Variants in THBS1 observed in about 807,000 individuals in gnomAD.
The protein encoded by THBS1 is thrombospondin-1.
Under a neutral mutation model 126.1 loss-of-function variants are expected in THBS1, and 29 were observed. The observed-to-expected ratio is 0.23, with a 90% CI of 0.17 to 0.31. The LOEUF is 0.31. Among genes scored for constraint, THBS1 ranks in the 10% least tolerant of loss-of-function variants. The pLI, the probability that THBS1 is intolerant of heterozygous loss-of-function variation, is 1.00. For missense variants in THBS1, 1,198 were observed against 1,545.2 expected, an observed-to-expected ratio of 0.78 and a Z score of 3.77; for synonymous variants, 496 against 577.8, an observed-to-expected ratio of 0.86 and a Z score of 2.03.
rs1421184223 is a variant in THBS1 at position 39,595,704 on chromosome 15, A to G, written c.*335A>G. Reference sequence around the variant, plus strand: ...CAGAGCAGGGTGCTATTGTGAGGCCATCTCTGAGCAGTGGACTCAAAAGCA... The same window carrying G: ...CAGAGCAGGGTGCTATTGTGAGGCCGTCTCTGAGCAGTGGACTCAAAAGCA... On this transcript the variant is annotated 3_prime_UTR_variant, in exon 22 of 22. Transcript: ENST00000260356. 1.9e-6 allele frequency: 1 copy of G among 525,046 alleles called. No individual in the cohort carries two copies. The highest frequency in any genetic ancestry group is 3.7e-6 in the Non-Finnish European group (1 of 272,392). The allele number at this position is 525,046 out of a possible 1,614,324, so 32.5% of individuals were successfully genotyped here.
Position 39,584,298 on chromosome 15 carries a change from A to G in THBS1, c.904-2A>G. ...ACACTAATGATATTCTCTCCCATTT[A>G]GACTGAAGAGAACAAAGAGTTGGCC... On this transcript the variant is annotated splice_acceptor_variant, in intron 5 of 21. Transcript: ENST00000260356. LOFTEE classifies it high-confidence loss of function. The G allele has an allele frequency of 1.2e-6, 2 of 1,614,246 alleles. No homozygotes were observed. The highest frequency in any genetic ancestry group is 1.7e-6 in the Non-Finnish European group (2 of 1,180,044).
chr15:39,595,385 T>C lies in THBS1; in HGVS notation c.*16T>C, dbSNP rs368361412. 1.5e-5 allele frequency: 22 copies of C among 1,499,814 alleles called. No individual in the cohort carries two copies. The South Asian group carries it at 1.8e-4, about 13-fold the overall frequency. The allele number at this position is 1,499,814 out of a possible 1,614,324, so 92.9% of individuals were successfully genotyped here. On this transcript the variant is annotated 3_prime_UTR_variant, in exon 22 of 22. Coordinates refer to ENST00000260356, the MANE Select transcript of THBS1 (RefSeq NM_003246.4). ...AGATCCCTAATCATCAAATTGTTGA[T>C]TGAAAGACTGATCATAAACCAATGC...
In THBS1 at chr15:39,589,996, G is replaced by A. The variant is rs1200716355; in HGVS notation, c.2118G>A (p.Val706=). 6.2e-7 allele frequency: 1 copy of A among 1,610,252 alleles called. No individual in the cohort carries two copies. The highest frequency in any genetic ancestry group is 1.7e-5 in the Admixed American group (1 of 59,578). ...DGWPNENLVC[V]ANATYHCKKD... is the part of the protein sequence containing the mutation. ...GGCCCAATGAGAACCTGGTGTGCGT[G>A]GCCAATGCGACTTACCACTGCAAAA... Residue 706 remains valine (V), a synonymous_variant, in exon 13 of 22, where the codon GTG becomes GTA. Transcript: ENST00000260356. The surrounding 1 kb of genome is among the most constrained non-coding windows in gnomAD (Gnocchi z 4.7).
rs150499229 is a variant in THBS1, at chr15:39,587,360, G to A, written c.1134G>A (p.Ala378=). The A allele has an allele frequency of 2.8e-5, 45 of 1,612,650 alleles. No homozygotes were observed. The highest frequency in any genetic ancestry group is 2.3e-4 in the Admixed American group (14 of 59,944). Residue 378 remains alanine (A), a synonymous_variant, in exon 8 of 22, where the codon GCG becomes GCA. Transcript: ENST00000260356. ...CCPRCWPSDS[A]DDGWSPWSEW... ...TTTCCCCTGCAGCCAGCGACTCTGC[G>A]GACGATGGCTGGTCTCCATGGTCCG... is the stretch of plus-strand genomic sequence containing the variant.
At position 39,594,470 on chromosome 15, in the gene THBS1, T is replaced by TGGG. The variant is rs1048519008; in HGVS notation, c.3505+32_3505+33insGGG. ...GAGCAACATCACCATGAATGTACAC[T>TGGG]GGACATCTCTATTTCAGACTAATAT... On this transcript the variant is annotated intron_variant, in intron 21 of 21. Coordinates refer to ENST00000260356, the MANE Select transcript of THBS1 (RefSeq NM_003246.4). The surrounding 1 kb of genome is among the most constrained non-coding windows in gnomAD (Gnocchi z 4.4). 53 of 1,609,656 alleles carry TGGG rather than the reference T, an allele frequency of 3.3e-5. No homozygotes were observed. Among genetic ancestry groups the TGGG allele is most frequent in the Non-Finnish European group, 4.4e-5 (52 of 1,178,198 alleles).
rs2140347833 is a variant in THBS1 at position 39,589,459 on chromosome 15, A to G, written c.1926+105A>G. On this transcript the variant is annotated intron_variant, in intron 12 of 21. Coordinates refer to ENST00000260356, the MANE Select transcript of THBS1 (RefSeq NM_003246.4). This position sits in a 1 kb window ranked among gnomAD's most constrained non-coding sequence, Gnocchi z 4.7. ...TTTCATACCCTTCACCAAAAAAAAA[A>G]GGGCGAGGAGATGAATGTACGGTCT... 4 of 1,350,732 alleles carry G rather than the reference A, an allele frequency of 3.0e-6. No homozygotes were observed. Among genetic ancestry groups the G allele is most frequent in the African/African-American group, 2.9e-5 (2 of 68,294 alleles). The allele number at this position is 1,350,732 out of a possible 1,614,324, so 83.7% of individuals were successfully genotyped here.
intron 6 of THBS1, among the ~76,000 whole-genome samples, chr15:39,584,844 T>C (rs2140344464): frequency 2.0e-5 from 3 of 152,366 alleles, no homozygotes; most frequent in Middle Eastern, 6.8e-3. Flanking sequence ...TGTTAGGATG[T>C]TACTGTCTGC....
intron 21 of THBS1, among the ~76,000 whole-genome samples, 200 bp from the exon 22 acceptor site, chr15:39,595,162 G>A (rs2140352168): frequency 6.6e-6 from 1 of 152,280 alleles, no homozygotes; most frequent in South Asian, 2.1e-4. Context: ...TGTTCTGGAA[G>A]GTTCACGCTG....
In THBS1 at chr15:39,581,639, C is replaced by CCTCTCTCTCTCTCTCTCT. The variant is rs3138595; in HGVS notation, c.-29-178_-29-161dup. The CCTCTCTCTCTCTCTCTCT allele has an allele frequency of 8.6e-4, 316 of 366,032 alleles. 5 individuals are homozygous for CCTCTCTCTCTCTCTCTCT. The highest frequency in any genetic ancestry group is 8.1e-3 in the African/African-American group (294 of 36,474). 22.7% of individuals were successfully genotyped at this position (366,032 alleles called of 1,614,324 possible). ...TTAAAACCAGCATCTCTTTCCTCCA[C>CCTCTCTCTCTCTCTCTCT]CTCTCTCTCTCTCTCTCTCTCTCTC... On this transcript the variant is annotated intron_variant, in intron 1 of 21. Coordinates refer to ENST00000260356, the MANE Select transcript of THBS1 (RefSeq NM_003246.4).
At chr15:39,588,353 G>T (rs1487912902) in intron 9 of THBS1, 135 bp downstream of exon 9, 28 of 1,304,172 alleles carry the variant, frequency 2.1e-5, no homozygotes, top group African/African-American at 3.0e-5. Context: ...CAGAAGCAAA[G>T]TCCTGCAGGC....
intron 4 of THBS1, 83 bp downstream of exon 4, chr15:39,583,775 G>T (rs1890156487): frequency 8.9e-6 from 13 of 1,456,948 alleles, no homozygotes; most frequent in Non-Finnish European, 1.1e-5. Flanking sequence ...AGCAATAGTG[G>T]TTATACATAA....
In THBS1 at chr15:39,594,200, C is replaced by A; in HGVS notation, c.3365+4C>A. 3 of 1,614,058 alleles carry A rather than the reference C, an allele frequency of 1.9e-6. No individual in the cohort carries two copies. Among genetic ancestry groups the A allele is most frequent in the Non-Finnish European group, 2.5e-6 (3 of 1,179,950 alleles). The stretch of plus-strand genomic sequence containing the variant: ...GGCCAAAGACGGGTTTCATTAGGTA[C>A]GATCATACTGATTCACTTTCACTTA... On this transcript the variant is annotated splice_donor_region_variant and intron_variant, in intron 20 of 21. Coordinates refer to ENST00000260356, the MANE Select transcript of THBS1 (RefSeq NM_003246.4). This position sits in a 1 kb window ranked among gnomAD's most constrained non-coding sequence, Gnocchi z 4.4.
intron 13 of THBS1, 61 bp downstream of exon 13, chr15:39,590,084 G>C: frequency 1.4e-6 from 2 of 1,381,106 alleles, no homozygotes; most frequent in South Asian, 1.5e-5. Flanking sequence ...CAAAACACAG[G>C]CTAAGGAATT....
rs1362311109 is a variant in THBS1 at position 39,592,191 on chromosome 15, G to A, written c.2533-377G>A. On this transcript the variant is annotated intron_variant, in intron 16 of 21. Transcript: ENST00000260356. This position sits in a 1 kb window ranked among gnomAD's most constrained non-coding sequence, Gnocchi z 4.3. The stretch of plus-strand genomic sequence containing the variant: ...TCGACGTGTCAACAGTTTTACAACT[G>A]AAACCTTCTAAGGAAATTCTCTGTT... Among the ~76,000 whole-genome samples, 1 of 152,130 alleles carries A rather than the reference G, an allele frequency of 6.6e-6. No homozygotes were observed. Among genetic ancestry groups the A allele is most frequent in the Non-Finnish European group, 1.5e-5 (1 of 68,032 alleles).
chr15:39,586,808 A>T (rs1890216259), intron 7 of THBS1: 1 of 152,244 alleles, frequency 6.6e-6, no homozygotes, highest in Non-Finnish European at 1.5e-5. Context: ...TGCTGAGAGG[A>T]GAAAGAAAAT....
intron 13 of THBS1, 146 bp from the exon 14 acceptor site, chr15:39,590,370 T>C: frequency 3.1e-6 from 2 of 650,150 alleles, no homozygotes; most frequent in South Asian, 4.4e-5. Flanking sequence ...AAAGTTTTAT[T>C]TTCTTGTCTT....
rs1438815507 is a variant in THBS1 at position 39,582,303 on chromosome 15, C to T, written c.178C>T (p.Arg60Cys). ...KGPDPSSPAF[R>C]IEDANLIPPV... ...CCCCGACCCTTCCAGCCCAGCTTTC[C>T]GCATCGAGGATGCCAACCTGATCCC... The change falls in exon 3 of 22, where the codon CGC becomes TGC. Residue 60 changes from arginine to cysteine, a missense_variant. Transcript: ENST00000260356. The T allele has an allele frequency of 5.0e-6, 8 of 1,614,106 alleles. No individual in the cohort carries two copies. The highest frequency in any genetic ancestry group is 3.3e-5 in the South Asian group (3 of 91,088).
At position 39,593,180 on chromosome 15, in the gene THBS1, G is replaced by T; in HGVS notation, c.2948G>T (p.Gly983Val). Residue 983 changes from glycine to valine, a missense_variant, in exon 18 of 22, where the codon GGT becomes GTT. This residue lies in a region of THBS1 where 255 missense variants were observed against 373.9 expected (regional missense o/e 0.68). Transcript: ENST00000260356. The surrounding 1 kb of genome is among the most constrained non-coding windows in gnomAD (Gnocchi z 5.9). The part of the protein sequence containing the change: ...NDPNWVVRHQ[G>V]KELVQTVNCD... Reference sequence around the variant, plus strand: ...CCTAACTGGGTTGTACGCCATCAGGGTAAAGAACTCGTCCAGACTGTCAAC... The same window carrying T: ...CCTAACTGGGTTGTACGCCATCAGGTTAAAGAACTCGTCCAGACTGTCAAC... 6.2e-7 allele frequency: 1 copy of T among 1,612,900 alleles called. No homozygotes were observed. Among genetic ancestry groups the T allele is most frequent in the Non-Finnish European group, 8.5e-7 (1 of 1,179,526 alleles).
Position 39,594,430 on chromosome 15 carries a change from C to T in THBS1, c.3495C>T (p.Tyr1165=), listed in dbSNP as rs781133181. 28 of 1,613,796 alleles carry T rather than the reference C, an allele frequency of 1.7e-5. No homozygotes were observed. The highest frequency in any genetic ancestry group is 1.6e-4 in the Middle Eastern group (1 of 6,082). The change falls in exon 21 of 22, where the codon TAC becomes TAT. Residue 1165 remains tyrosine (Y), a synonymous_variant. Transcript: ENST00000260356. The surrounding 1 kb of genome is among the most constrained non-coding windows in gnomAD (Gnocchi z 4.4). ...QEMVFFSDLK[Y]ECRDP is the part of the protein sequence containing the mutation. ...TGGTGTTCTTCTCTGACCTGAAATA[C>T]GAATGTAGAGGTAAGAGCAACATCA...
Sources: gnomAD v4.1 joint callset for allele counts (sites outside exome capture counted in the v4.1 genomes callset) on GRCh38, gnomAD v4.1.1 for gene constraint, gnomAD v4.1.1 regional missense constraint, Gnocchi (gnomAD v3.1) non-coding constraint, MANE v1.5 for transcripts, NCBI Gene and HGNC (gene_info 2026-07-23, HGNC 2026-07-21) for gene names.